Variants in CNTN5 observed in about 807,000 individuals in gnomAD.
CNTN5 encodes contactin 5, also known as contactin-5.
Under a neutral mutation model 129.1 loss-of-function variants are expected in CNTN5, and 77 were observed. The observed-to-expected ratio is 0.60, with a 90% CI of 0.50 to 0.72. CNTN5 has a LOEUF of 0.72. Among genes scored for constraint, CNTN5 ranks in the 30% least tolerant of loss-of-function variants. The pLI, the probability that CNTN5 is intolerant of heterozygous loss-of-function variation, is 0.00. For missense variants in CNTN5, 1,478 were observed against 1,328.8 expected (o/e 1.11, Z -1.75); for synonymous variants, 509 against 465.6 (o/e 1.09, Z -1.20).
intron 9 of CNTN5, among the ~76,000 whole-genome samples, chr11:100,053,935 CAG>C (rs1171689250): frequency 6.6e-6 from 1 of 151,644 alleles, no homozygotes; most frequent in Admixed American, 6.6e-5. Flanking sequence ...AAATCTTACA[CAG>C]AGAGACAGAA....
intron 13 of CNTN5, among the ~76,000 whole-genome samples, chr11:100,138,577 C>A (rs951374015): frequency 6.6e-6 from 1 of 151,954 alleles, no homozygotes; most frequent in African/African-American, 2.4e-5. Flanking sequence ...TAAGAAACAG[C>A]AAACAGATTA....
chr11:99,602,789 C>T (rs1294506709), intron 3 of CNTN5, among the ~76,000 whole-genome samples: 12 of 149,216 alleles, frequency 8.0e-5, no homozygotes, highest in Admixed American at 2.7e-4. Flanking sequence ...GGTCCCTGAC[C>T]CCTGACCCCC....
intron 21 of CNTN5, among the ~76,000 whole-genome samples, chr11:100,310,598 A>G (rs1352405140): frequency 6.6e-6 from 1 of 151,968 alleles, no homozygotes; most frequent in Non-Finnish European, 1.5e-5. Context: ...AAGGCACACA[A>G]TCAACAAGCT....
intron 1 of CNTN5, among the ~76,000 whole-genome samples, chr11:99,278,729 T>C (rs1863561499): frequency 6.6e-6 from 1 of 151,784 alleles, no homozygotes; most frequent in African/African-American, 2.4e-5. Flanking sequence ...AACTAGTAAA[T>C]ATCTCAGATG....
intron 4 of CNTN5, among the ~76,000 whole-genome samples, chr11:99,821,856 A>G (rs1321421330): frequency 1.3e-5 from 2 of 152,186 alleles, no homozygotes; most frequent in African/African-American, 4.8e-5. Flanking sequence ...GCTGGTAACC[A>G]ATTTAATATC....
chr11:99,495,458 T>C (rs1214427867), intron 2 of CNTN5, among the ~76,000 whole-genome samples: 1 of 152,216 alleles, frequency 6.6e-6, no homozygotes, highest in Non-Finnish European at 1.5e-5. Flanking sequence ...TGGCGCTTTC[T>C]GGAATTAGCA....
At chr11:99,387,463 A>T (rs1472618994) in intron 2 of CNTN5, among the ~76,000 whole-genome samples, 1 of 152,198 alleles carries the variant, frequency 6.6e-6, no homozygotes, top group Non-Finnish European at 1.5e-5. Flanking sequence ...CACCATTTCT[A>T]CTAGCTGTAT....
intron 18 of CNTN5, among the ~76,000 whole-genome samples, chr11:100,279,561 T>A (rs1412482426): frequency 6.6e-6 from 1 of 151,948 alleles, no homozygotes; most frequent in African/African-American, 2.4e-5. Flanking sequence ...TGTCTAGAAA[T>A]TTGTCCATTT....
intron 15 of CNTN5, among the ~76,000 whole-genome samples, chr11:100,200,739 T>C (rs1291573582): frequency 6.6e-6 from 1 of 151,816 alleles, no homozygotes; most frequent in African/African-American, 2.4e-5. Flanking sequence ...GGTTATTGGA[T>C]AGAAAAAAAA....
chr11:99,125,109 A>T (rs1266427109), intron 1 of CNTN5, among the ~76,000 whole-genome samples: 1 of 152,116 alleles, frequency 6.6e-6, no homozygotes, highest in Non-Finnish European at 1.5e-5. Context: ...TCCATAACTC[A>T]TTCTGTGTGG....
At position 100,120,560 on chromosome 11, in the gene CNTN5, A is replaced by G. The variant is rs1945984075; in HGVS notation, c.1580+46266A>G. 2.6e-5 allele frequency among the ~76,000 whole-genome samples: 4 copies of G among 152,132 alleles called. No homozygotes were observed. The South Asian group carries it at 8.3e-4, about 32-fold the overall frequency. On this transcript the variant is annotated intron_variant, in intron 13 of 24. Coordinates refer to ENST00000524871, the MANE Select transcript of CNTN5 (RefSeq NM_014361.4). Reference sequence around the variant, plus strand: ...ATCCATTTAATCCTGGTTTTTCACAACTGGAATACCTATGATTATAAGCCA... The same window carrying G: ...ATCCATTTAATCCTGGTTTTTCACAGCTGGAATACCTATGATTATAAGCCA...
intron 2 of CNTN5, among the ~76,000 whole-genome samples, chr11:99,472,185 G>A (rs1323161492): frequency 6.6e-6 from 1 of 152,074 alleles, no homozygotes; most frequent in Non-Finnish European, 1.5e-5. Flanking sequence ...CAAAAGAAAA[G>A]TAAAATTTGG....
intron 16 of CNTN5, chr11:100,225,022 A>G (rs367875442): frequency 1.4e-4 from 57 of 402,366 alleles, no homozygotes; most frequent in African/African-American, 9.5e-4. Flanking sequence ...AACTAACTTC[A>G]GAGTCCAAAA....
chr11:100,108,406 A>G (rs1367521246), intron 13 of CNTN5, among the ~76,000 whole-genome samples: 1 of 152,140 alleles, frequency 6.6e-6, no homozygotes, highest in East Asian at 1.9e-4. Context: ...GTATGGTAGG[A>G]AAGGTGGATG....
intron 3 of CNTN5, among the ~76,000 whole-genome samples, chr11:99,627,289 T>A (rs1195898628): frequency 1.3e-5 from 2 of 152,142 alleles, no homozygotes; most frequent in Admixed American, 1.3e-4. Flanking sequence ...ATATTGAACA[T>A]TTCCAAACTG....
intron 3 of CNTN5, among the ~76,000 whole-genome samples, chr11:99,652,864 C>G (rs551461781): frequency 4.3e-4 from 65 of 152,060 alleles, no homozygotes; most frequent in African/African-American, 1.5e-3. Flanking sequence ...ATCTCTAACC[C>G]TGAAACACAT....
intron 3 of CNTN5, among the ~76,000 whole-genome samples, chr11:99,622,355 G>A (rs931324278): frequency 6.6e-6 from 1 of 152,118 alleles, no homozygotes; most frequent in Non-Finnish European, 1.5e-5. Flanking sequence ...CTAAAGAGAA[G>A]AAAGCTTTTG....
intron 3 of CNTN5, among the ~76,000 whole-genome samples, chr11:99,701,869 T>C (rs2134875064): frequency 6.6e-6 from 1 of 151,164 alleles, no homozygotes; most frequent in South Asian, 2.1e-4. Context: ...GCCTTTAACA[T>C]TGCTTTATTC....
intron 2 of CNTN5, among the ~76,000 whole-genome samples, chr11:99,426,305 T>G (rs1943117571): frequency 6.6e-6 from 1 of 152,140 alleles, no homozygotes; most frequent in Non-Finnish European, 1.5e-5. Flanking sequence ...CACAGGTAAC[T>G]GTAAAATAAG....
Sources: allele counts gnomAD v4.1 joint callset (sites outside exome capture counted in the v4.1 genomes callset), GRCh38; gene constraint gnomAD v4.1.1; transcripts MANE v1.5; gene names NCBI Gene and HGNC (gene_info 2026-07-23, HGNC 2026-07-21).